TBC1D5: variants seen among roughly 807,000 people sequenced by gnomAD.
The protein encoded by TBC1D5 is TBC1 domain family, member 5.
In TBC1D5, 75 loss-of-function variants were observed where a neutral mutation model predicts 100.3. That is an observed-to-expected ratio of 0.75 (90% CI 0.62 to 0.91). TBC1D5 has a LOEUF of 0.91. Ranked by LOEUF, TBC1D5 falls within the 40% of genes least tolerant of loss-of-function variation. The pLI, the probability that TBC1D5 is intolerant of heterozygous loss-of-function variation, is 0.00. For missense variants in TBC1D5, 910 were observed against 942.4 expected, an observed-to-expected ratio of 0.97 and a Z score of 0.45; for synonymous variants, 323 against 325.6, an observed-to-expected ratio of 0.99 and a Z score of 0.09.
At chr3:17,355,103 T>C (rs1392788657) in intron 13 of TBC1D5, among the ~76,000 whole-genome samples, 1 of 152,138 alleles carries the variant, frequency 6.6e-6, no homozygotes, top group Admixed American at 6.6e-5. Context: ...TCATTTCCCT[T>C]TCGTTGTTTT....
At chr3:17,454,799 T>C (rs1274692646) in intron 3 of TBC1D5, among the ~76,000 whole-genome samples, 2 of 151,940 alleles carry the variant, frequency 1.3e-5, no homozygotes, top group African/African-American at 4.8e-5. Flanking sequence ...CAGTGAGGAA[T>C]CTCAAATAGA....
intron 13 of TBC1D5, among the ~76,000 whole-genome samples, chr3:17,318,223 GT>G (rs2084939143): frequency 8.6e-6 from 1 of 116,072 alleles, no homozygotes; most frequent in Non-Finnish European, 1.7e-5. Flanking sequence ...TCTGGGGACT[GT>G]TGTGGGGTGG....
chr3:17,615,565 C>A (rs936893133), intron 2 of TBC1D5, among the ~76,000 whole-genome samples: 24 of 152,056 alleles, frequency 1.6e-4, no homozygotes, highest in African/African-American at 5.3e-4. Flanking sequence ...AATTTCAGAG[C>A]CTGTTATTGT....
intron 13 of TBC1D5, among the ~76,000 whole-genome samples, chr3:17,342,560 T>G (rs1411841398): frequency 6.6e-6 from 1 of 152,246 alleles, no homozygotes; most frequent in Non-Finnish European, 1.5e-5. Flanking sequence ...ACATACTCTT[T>G]TACATATTAG....
At chr3:17,479,735 G>A (rs1406506862) in intron 3 of TBC1D5, among the ~76,000 whole-genome samples, 1 of 152,342 alleles carries the variant, frequency 6.6e-6, no homozygotes, top group Middle Eastern at 3.4e-3. Context: ...CTACTCAGGA[G>A]ACGGAGGCAG....
At chr3:17,602,189 C>T (rs1377129325) in intron 2 of TBC1D5, among the ~76,000 whole-genome samples, 7 of 152,268 alleles carry the variant, frequency 4.6e-5, no homozygotes, top group Admixed American at 6.5e-5. Context: ...TTATACAACA[C>T]GACAATGCCT....
chr3:17,608,701 C>T (rs1381916427), intron 2 of TBC1D5, among the ~76,000 whole-genome samples: 3 of 152,094 alleles, frequency 2.0e-5, no homozygotes, highest in Non-Finnish European at 4.4e-5. Context: ...GTATTTTCAT[C>T]GCTTTCTACT....
chr3:17,422,489 G>A (rs565470779), intron 4 of TBC1D5, among the ~76,000 whole-genome samples: 71 of 151,808 alleles, frequency 4.7e-4, no homozygotes, highest in African/African-American at 1.4e-3. Context: ...GCCTGCTCTC[G>A]TCCAATGAGC....
intron 2 of TBC1D5, among the ~76,000 whole-genome samples, chr3:17,544,309 T>C (rs779817318): frequency 2.6e-5 from 4 of 152,242 alleles, no homozygotes; most frequent in Non-Finnish European, 5.9e-5. Flanking sequence ...GTATTACAAG[T>C]ATAATTTGAT....
At chr3:17,337,924 T>C (rs943155626) in intron 13 of TBC1D5, among the ~76,000 whole-genome samples, 2 of 152,140 alleles carry the variant, frequency 1.3e-5, no homozygotes, top group Non-Finnish European at 2.9e-5. Flanking sequence ...TAATTATCAA[T>C]TAATTAAGCT....
At chr3:17,188,777 TA>T (rs2069485186) in intron 18 of TBC1D5, among the ~76,000 whole-genome samples, 1 of 152,228 alleles carries the variant, frequency 6.6e-6, no homozygotes, top group Non-Finnish European at 1.5e-5. Context: ...TCCTCCCAAC[TA>T]ACAATGCTTT....
chr3:17,610,182 C>T (rs1477987350), intron 2 of TBC1D5, among the ~76,000 whole-genome samples: 6 of 152,154 alleles, frequency 3.9e-5, no homozygotes, highest in Non-Finnish European at 8.8e-5. Flanking sequence ...CATCTGGCGT[C>T]TCTTCCCACT....
intron 18 of TBC1D5, among the ~76,000 whole-genome samples, chr3:17,193,443 T>G (rs1365444616): frequency 6.6e-6 from 1 of 152,200 alleles, no homozygotes; most frequent in Non-Finnish European, 1.5e-5. Flanking sequence ...TGAAGTCAGG[T>G]GTTGGCAGGT....
chr3:17,551,566 T>C (rs1300731791), intron 2 of TBC1D5, among the ~76,000 whole-genome samples: 1 of 152,112 alleles, frequency 6.6e-6, no homozygotes, highest in Non-Finnish European at 1.5e-5. Context: ...ATCAAATTAA[T>C]CCATTCTTAT....
intron 15 of TBC1D5, among the ~76,000 whole-genome samples, chr3:17,280,439 C>A (rs917200654): frequency 6.6e-6 from 1 of 152,142 alleles, no homozygotes. Context: ...GCCTGCCCCA[C>A]TCCTCATCCC....
At chr3:17,376,418 G>A (rs2092710116) in intron 10 of TBC1D5, 107 bp downstream of exon 10, 1 of 931,336 alleles carries the variant, frequency 1.1e-6, no homozygotes, top group African/African-American at 1.7e-5. Flanking sequence ...TTTACAACTT[G>A]TACAGCTTGT....
chr3:17,622,025 C>T (rs1431209885), intron 2 of TBC1D5, among the ~76,000 whole-genome samples: 1 of 152,144 alleles, frequency 6.6e-6, no homozygotes, highest in African/African-American at 2.4e-5. Context: ...TGCTCACTTT[C>T]TAATTAAGCA....
At chr3:17,177,215 T>TG (rs2067864379) in intron 19 of TBC1D5, among the ~76,000 whole-genome samples, 1 of 152,172 alleles carries the variant, frequency 6.6e-6, no homozygotes, top group Non-Finnish European at 1.5e-5. Context: ...TGATGAAAGT[T>TG]GGACAGTCTG....
intron 12 of TBC1D5, among the ~76,000 whole-genome samples, chr3:17,373,012 A>G (rs540953606): frequency 1.1e-4 from 16 of 152,330 alleles, no homozygotes; most frequent in Admixed American, 2.6e-4. Context: ...GCCACAGACA[A>G]TAAGTAAACA....
Sources: gnomAD v4.1 joint callset for allele counts (sites outside exome capture counted in the v4.1 genomes callset) on GRCh38, gnomAD v4.1.1 for gene constraint, MANE v1.5 for transcripts, NCBI Gene and HGNC (gene_info 2026-07-23, HGNC 2026-07-21) for gene names.